TLE7: variants seen among roughly 807,000 people sequenced by gnomAD.
The protein encoded by TLE7 is TLE family member 7, also known as transducin-like enhancer protein 7.
At chr16:71,434,950 A>T (rs1234949587) in intron 1 of TLE7, among the ~76,000 whole-genome samples, 1 of 152,248 alleles carries the variant, frequency 6.6e-6, no homozygotes, top group Non-Finnish European at 1.5e-5. Flanking sequence ...TGTTTGTGAC[A>T]ATATTGGGAC....
At chr16:71,441,667 C>T (rs1315440155) in intron 1 of TLE7, among the ~76,000 whole-genome samples, 3 of 152,196 alleles carry the variant, frequency 2.0e-5, no homozygotes, top group South Asian at 2.1e-4. Context: ...AAGGACTCCT[C>T]GTGGCTTCTC....
Position 71,433,023 on chromosome 16 carries a change from G to A in TLE7, c.302C>T (p.Ser101Phe), listed in dbSNP as rs1277192195. Residue 101 changes from serine (S) to phenylalanine (F), a missense_variant, in exon 2 of 10, where the codon TCC becomes TTC. Ser to Phe is a radical substitution (Grantham distance 155). Coordinates refer to ENST00000561754, the MANE Select transcript of TLE7 (RefSeq NM_001367365.2). Reference protein sequence around the residue: ...PDAQPGEAAESSPSFLLGSEV... With the variant: ...PDAQPGEAAEFSPSFLLGSEV... ...TTCAAGCAAGACCTGCCTTGGGCTG[G>A]ACTCTGCTGCTTCTCCTGGTTGTGC... 1.3e-5 allele frequency: 5 copies of A among 398,676 alleles called. No homozygotes were observed. Among genetic ancestry groups the A allele is most frequent in the African/African-American group, 2.1e-5 (1 of 48,634 alleles). 24.7% of individuals were successfully genotyped at this position (398,676 alleles called of 1,614,324 possible). A position where few individuals can be genotyped will look rare whatever the true frequency, so the allele number is the denominator to read the frequency against.
At chr16:71,434,400 G>A (rs1273777762) in intron 1 of TLE7, among the ~76,000 whole-genome samples, 3 of 152,132 alleles carry the variant, frequency 2.0e-5, no homozygotes, top group African/African-American at 7.2e-5. Context: ...AGAGACCCAG[G>A]GTTCTATGAA....
intron 3 of TLE7, 43 bp from the exon 4 acceptor site, chr16:71,432,766 G>A (rs768656995): frequency 1.8e-5 from 7 of 398,612 alleles, no homozygotes; most frequent in East Asian, 3.6e-5. Context: ...AGAGTCCCAC[G>A]CTTCAGGGAG....
intron 1 of TLE7, among the ~76,000 whole-genome samples, chr16:71,439,054 T>C (rs1443507267): frequency 6.6e-6 from 1 of 152,238 alleles, no homozygotes; most frequent in Non-Finnish European, 1.5e-5. Flanking sequence ...ACAGTCTTAC[T>C]GACCCCCGCT....
intron 1 of TLE7, among the ~76,000 whole-genome samples, chr16:71,439,518 G>A (rs2042839255): frequency 6.6e-6 from 1 of 151,988 alleles, no homozygotes; most frequent in Non-Finnish European, 1.5e-5. Flanking sequence ...GACATAATCA[G>A]AGTTGGGTTT....
chr16:71,432,985 C>G, intron 2 of TLE7, 29 bp downstream of exon 2: 3 of 399,070 alleles, frequency 7.5e-6, no homozygotes, highest in Non-Finnish European at 1.3e-5. Flanking sequence ...TTTGCCACCC[C>G]CACTGAGTCA....
At chr16:71,440,427 G>C (rs565318604) in intron 1 of TLE7, among the ~76,000 whole-genome samples, 2 of 152,254 alleles carry the variant, frequency 1.3e-5, no homozygotes, top group African/African-American at 4.8e-5. Flanking sequence ...GCAGTGAACC[G>C]AAATCGGGCG....
At position 71,431,713 on chromosome 16, in the gene TLE7, C is replaced by G. The variant is rs893361744; in HGVS notation, c.851+48G>C. ...CAAAGAGGGGAAAGAGCCTCACTGG[C>G]AAGCCCTCCCCCAGGTACACCTGAG... On this transcript the variant is annotated intron_variant, in intron 6 of 9. Transcript: ENST00000561754. The surrounding 1 kb of genome is among the most constrained non-coding windows in gnomAD (Gnocchi z 4.5). The G allele has an allele frequency of 5.0e-6, 2 of 400,616 alleles. No homozygotes were observed. Among genetic ancestry groups the G allele is most frequent in the Admixed American group, 8.8e-5 (2 of 22,736 alleles). The allele number at this position is 400,616 out of a possible 1,614,324, so 24.8% of individuals were successfully genotyped here. A position where few individuals can be genotyped will look rare whatever the true frequency, so the allele number is the denominator to read the frequency against.
At chr16:71,440,281 G>T (rs950769490) in intron 1 of TLE7, among the ~76,000 whole-genome samples, 12 of 152,172 alleles carry the variant, frequency 7.9e-5, no homozygotes, top group African/African-American at 2.9e-4. Flanking sequence ...GGTGGTGATG[G>T]TTGTGCAACA....
chr16:71,430,795 C>T, intron 8 of TLE7, 54 bp from the exon 9 acceptor site: 2 of 398,184 alleles, frequency 5.0e-6, no homozygotes, highest in Admixed American at 8.8e-5. Context: ...CATTCTAGTT[C>T]CAGCACTGTC....
At position 71,439,115 on chromosome 16, in the gene TLE7, C is replaced by T. The variant is rs973760624; in HGVS notation, c.-97+2854G>A. On this transcript the variant is annotated intron_variant, in intron 1 of 9. Transcript: ENST00000561754. ...TGGGCCCACAGAGCTGACCATGACC[C>T]GTGTGGAATTCCCTCTTTGAAGGGA... Among the ~76,000 whole-genome samples, 6 of 152,316 alleles carry T rather than the reference C, an allele frequency of 3.9e-5. No individual in the cohort carries two copies. In the South Asian group the frequency reaches 1.2e-3, roughly 32 times the overall value.
rs1409204894 is a variant in TLE7, at chr16:71,433,318, C to T, written c.7G>A (p.Gly3Arg). Residue 3 changes from glycine to arginine, a missense_variant, in exon 2 of 10, where the codon GGA (glycine) becomes AGA (arginine). Physicochemically the swap from Gly to Arg is moderately radical, Grantham distance 125 (BLOSUM62 -2). Coordinates refer to ENST00000561754, the MANE Select transcript of TLE7 (RefSeq NM_001367365.2). The part of the protein sequence containing the change: MS[G>R]EKEEASLRMF... ...CTGAGCGATGCCTCTTCCTTCTCTC[C>T]ACTCATGTTCTTAGATCAGTGAGGT... is the stretch of plus-strand genomic sequence containing the variant. The T allele has an allele frequency of 2.5e-6, 1 of 398,552 alleles. No individual in the cohort carries two copies. The highest frequency in any genetic ancestry group is 4.4e-6 in the Non-Finnish European group (1 of 226,112). 24.7% of individuals were successfully genotyped at this position (398,552 alleles called of 1,614,324 possible).
At chr16:71,433,481 A>C (rs1596985323) in intron 1 of TLE7, 61 bp from the exon 2 acceptor site, 1 of 397,162 alleles carries the variant, frequency 2.5e-6, no homozygotes, top group Non-Finnish European at 4.4e-6. Context: ...TCTCTTTAGA[A>C]GGGGCAGAGA....
Position 71,430,207 on chromosome 16 carries a change from A to G in TLE7, c.*55T>C, listed in dbSNP as rs951474906. ...TCCAGCACTCTGAAGCCATCCTCACAGCCACACCAGCCCAAAGACTGGGTC... is the reference window on the plus strand; with the variant it reads ...TCCAGCACTCTGAAGCCATCCTCACGGCCACACCAGCCCAAAGACTGGGTC... On this transcript the variant is annotated 3_prime_UTR_variant, in exon 10 of 10. Transcript: ENST00000561754. 3 of 398,428 alleles carry G rather than the reference A, an allele frequency of 7.5e-6. No homozygotes were observed. Among genetic ancestry groups the G allele is most frequent in the African/African-American group, 6.2e-5 (3 of 48,622 alleles). The allele number at this position is 398,428 out of a possible 1,614,324, so 24.7% of individuals were successfully genotyped here.
At chr16:71,437,034 T>G (rs2145045756) in intron 1 of TLE7, among the ~76,000 whole-genome samples, 1 of 151,552 alleles carries the variant, frequency 6.6e-6, no homozygotes, top group Middle Eastern at 3.4e-3. Flanking sequence ...TCCAACATGG[T>G]GAAACCCTGT....
At position 71,431,992 on chromosome 16, in the gene TLE7, T is replaced by C; in HGVS notation, c.620A>G (p.Asp207Gly). Residue 207 changes from aspartate to glycine, a missense_variant, in exon 6 of 10, where the codon GAC (aspartate) becomes GGC (glycine). Coordinates refer to ENST00000561754, the MANE Select transcript of TLE7 (RefSeq NM_001367365.2). The surrounding 1 kb of genome is among the most constrained non-coding windows in gnomAD (Gnocchi z 4.5). The part of the protein sequence containing the change: ...RAQLDLQHPQ[D>G]RVVTCKLFPD... ...GAACAGCTTGCAGGTAACAACACGG[T>C]CCTGGGGATGCTGTAAGGAAGGGTT... 2.5e-6 allele frequency: 1 copy of C among 400,764 alleles called. No individual in the cohort carries two copies. Among genetic ancestry groups the C allele is most frequent in the Non-Finnish European group, 4.4e-6 (1 of 226,282 alleles). The allele number at this position is 400,764 out of a possible 1,614,324, so 24.8% of individuals were successfully genotyped here.
chr16:71,439,932 A>G (rs999023924), intron 1 of TLE7, among the ~76,000 whole-genome samples: 2 of 152,234 alleles, frequency 1.3e-5, no homozygotes, highest in Non-Finnish European at 2.9e-5. Context: ...CATTATTCAC[A>G]GTAGCCAAAA....
rs2042808152 is a variant in TLE7, at chr16:71,432,283, G to A, written c.436C>T (p.Pro146Ser). Residue 146 changes from proline (P) to serine (S), a missense_variant, in exon 5 of 10, where the codon CCA becomes TCA. Pro to Ser is a moderately conservative substitution (Grantham distance 74). Transcript: ENST00000561754. ...DEVVVRQKRA[P>S]QGSWKVGTLF... The stretch of plus-strand genomic sequence containing the variant: ...GTGCCAACCTTCCAGGAGCCCTGTG[G>A]GGCCCTCTTCTGCCTGACCACAACT... 6 of 400,784 alleles carry A rather than the reference G, an allele frequency of 1.5e-5. No homozygotes were observed. The highest frequency in any genetic ancestry group is 2.7e-5 in the Non-Finnish European group (6 of 226,322). 24.8% of individuals were successfully genotyped at this position (400,784 alleles called of 1,614,324 possible).
Sources: allele counts gnomAD v4.1 joint callset (sites outside exome capture counted in the v4.1 genomes callset), GRCh38; gene constraint gnomAD v4.1.1; non-coding constraint Gnocchi (gnomAD v3.1); transcripts MANE v1.5; gene names NCBI Gene and HGNC (gene_info 2026-07-23, HGNC 2026-07-21).